Variants in FAXC observed in about 807,000 individuals in gnomAD.
The protein encoded by FAXC is failed axon connections homolog.
In FAXC, 10 loss-of-function variants were observed where a neutral mutation model predicts 41.9. That is an observed-to-expected ratio of 0.24 (90% CI 0.15 to 0.41). FAXC has a LOEUF of 0.41. Among genes scored for constraint, FAXC ranks in the 10% least tolerant of loss-of-function variants. The pLI is 1.00. For missense variants in FAXC, 399 were observed against 510.9 expected, an observed-to-expected ratio of 0.78 and a Z score of 2.11; for synonymous variants, 183 against 183.8, an observed-to-expected ratio of 1.00 and a Z score of 0.03.
At chr6:99,342,276 A>G (rs1006954507) in intron 2 of FAXC, among the ~76,000 whole-genome samples, 1 of 152,162 alleles carries the variant, frequency 6.6e-6, no homozygotes, top group African/African-American at 2.4e-5. Flanking sequence ...GTAAAAAACC[A>G]CATCAGGCAG....
chr6:99,349,157 T>C lies in FAXC; in HGVS notation c.216A>G (p.Gly72=). The C allele has an allele frequency of 1.2e-6, 2 of 1,613,048 alleles. No homozygotes were observed. Among genetic ancestry groups the C allele is most frequent in the Non-Finnish European group, 1.7e-6 (2 of 1,179,868 alleles). ...WWKKTLYLTG[G]ALLAAAAYLL... is the part of the protein sequence containing the mutation. Reference sequence around the variant, plus strand: ...GATACGCAGCTGCGGCCAGCAAAGCTCCCCCGGTCAAGTAAAGGGTTTTCT... The same window carrying C: ...GATACGCAGCTGCGGCCAGCAAAGCCCCCCCGGTCAAGTAAAGGGTTTTCT... Residue 72 remains glycine (G), a synonymous_variant, in exon 1 of 6, where the codon GGA becomes GGG. Coordinates refer to ENST00000389677, the MANE Select transcript of FAXC (RefSeq NM_032511.4).
intron 1 of FAXC, among the ~76,000 whole-genome samples, chr6:99,343,340 A>G (rs1773489019): frequency 6.6e-6 from 1 of 152,180 alleles, no homozygotes; most frequent in Non-Finnish European, 1.5e-5. Flanking sequence ...GGCAGCAAGA[A>G]CATTTTCTAG....
chr6:99,347,931 C>T (rs1773657962), intron 1 of FAXC, among the ~76,000 whole-genome samples: 1 of 152,194 alleles, frequency 6.6e-6, no homozygotes, highest in African/African-American at 2.4e-5. Context: ...TTAAAATAAA[C>T]TTCCTCAAAT....
intron 5 of FAXC, 72 bp from the exon 6 acceptor site, chr6:99,281,525 C>T (rs1770836619): frequency 2.5e-6 from 3 of 1,178,378 alleles, no homozygotes; most frequent in Non-Finnish European, 3.7e-6. Flanking sequence ...GTCTGTGTTG[C>T]CCCAAAACTC....
intron 3 of FAXC, among the ~76,000 whole-genome samples, chr6:99,331,285 A>G (rs1398421270): frequency 6.6e-6 from 1 of 152,196 alleles, no homozygotes; most frequent in Non-Finnish European, 1.5e-5. Flanking sequence ...GAGTCTACAT[A>G]TGACCCAAGC....
At chr6:99,287,722 A>G (rs2128448322) in intron 5 of FAXC, among the ~76,000 whole-genome samples, 1 of 152,324 alleles carries the variant, frequency 6.6e-6, no homozygotes, top group South Asian at 2.1e-4. Flanking sequence ...TCTCCAGGCT[A>G]CTTGTTTCTA....
rs924225938 is a variant in FAXC, at chr6:99,272,529, T to C, written c.*8635A>G. 2 of 152,210 alleles carry C rather than the reference T, an allele frequency of 1.3e-5. No homozygotes were observed. The highest frequency in any genetic ancestry group is 4.8e-5 in the African/African-American group (2 of 41,444). The allele number at this position is 152,210 out of a possible 1,614,324, so 9.4% of individuals were successfully genotyped here. A position where few individuals can be genotyped will look rare whatever the true frequency, so the allele number is the denominator to read the frequency against. On this transcript the variant is annotated 3_prime_UTR_variant, in exon 6 of 6. Transcript: ENST00000389677. ...ATTGGTCTATTATAAGGCCTAGCCA[T>C]AGTAAAGGTCTCAACATGTGCTCCC...
intron 2 of FAXC, among the ~76,000 whole-genome samples, chr6:99,341,147 G>C (rs1037436084): frequency 2.0e-5 from 3 of 152,002 alleles, no homozygotes; most frequent in African/African-American, 7.3e-5. Flanking sequence ...TGGGTCTTAA[G>C]AGTAACTACA....
chr6:99,306,659 A>G (rs1326599773), intron 4 of FAXC, among the ~76,000 whole-genome samples: 11 of 152,216 alleles, frequency 7.2e-5, no homozygotes, highest in Non-Finnish European at 1.5e-5. Context: ...AGAGAAATCC[A>G]ATATGTAAGA....
intron 4 of FAXC, among the ~76,000 whole-genome samples, chr6:99,319,511 T>C (rs1386075574): frequency 6.6e-6 from 1 of 152,184 alleles, no homozygotes; most frequent in East Asian, 1.9e-4. Context: ...TGCCTGCTGT[T>C]TGATTACTTC....
intron 4 of FAXC, among the ~76,000 whole-genome samples, chr6:99,318,347 T>C (rs574095462): frequency 2.0e-4 from 30 of 151,786 alleles, no homozygotes; most frequent in African/African-American, 6.8e-4. Flanking sequence ...CAAATATGTA[T>C]ATATAGATGA....
intron 3 of FAXC, among the ~76,000 whole-genome samples, chr6:99,329,635 G>A (rs1030381404): frequency 4.6e-5 from 7 of 152,014 alleles, no homozygotes; most frequent in East Asian, 1.9e-4. Context: ...AGGGGCCCTC[G>A]CTACATCTAA....
At chr6:99,334,605 A>G in intron 2 of FAXC, 2 of 981,846 alleles carry the variant, frequency 2.0e-6, no homozygotes, top group Non-Finnish European at 2.4e-6. Context: ...TAAACTTACC[A>G]CATACCATAG....
intron 4 of FAXC, among the ~76,000 whole-genome samples, chr6:99,318,306 C>G (rs187482694): frequency 7.4e-6 from 1 of 135,228 alleles, no homozygotes; most frequent in Non-Finnish European, 1.6e-5. Flanking sequence ...CACACACACA[C>G]AAAATAGAAG....
At chr6:99,282,477 G>A (rs1256672368) in intron 5 of FAXC, among the ~76,000 whole-genome samples, 1 of 152,084 alleles carries the variant, frequency 6.6e-6, no homozygotes, top group African/African-American at 2.4e-5. Flanking sequence ...TTGAACAGCG[G>A]TACTCAGGAT....
chr6:99,349,870 G>T (rs1160271100), upstream of FAXC: 1 of 152,106 alleles, frequency 6.6e-6, no homozygotes, highest in African/African-American at 2.4e-5. Context: ...GCGGGCAAGG[G>T]CGGCGGAGGT....
At chr6:99,285,969 C>T (rs955517534) in intron 5 of FAXC, among the ~76,000 whole-genome samples, 2 of 152,196 alleles carry the variant, frequency 1.3e-5, no homozygotes, top group Admixed American at 1.3e-4. Flanking sequence ...GCCAATCATA[C>T]AAGGCAGGAA....
At chr6:99,295,044 G>A (rs1771428224) in intron 4 of FAXC, among the ~76,000 whole-genome samples, 1 of 152,212 alleles carries the variant, frequency 6.6e-6, no homozygotes, top group South Asian at 2.1e-4. Flanking sequence ...CCATATGGAA[G>A]AGCAGGAGGG....
chr6:99,298,895 T>C (rs573170424), intron 4 of FAXC, among the ~76,000 whole-genome samples: 3 of 152,162 alleles, frequency 2.0e-5, no homozygotes, highest in African/African-American at 7.2e-5. Flanking sequence ...GAATCCCTTC[T>C]CACACTTTCC....
Sources: allele counts gnomAD v4.1 joint callset (sites outside exome capture counted in the v4.1 genomes callset), GRCh38; gene constraint gnomAD v4.1.1; transcripts MANE v1.5; gene names NCBI Gene and HGNC (gene_info 2026-07-23, HGNC 2026-07-21).